BACE2: variants seen among roughly 807,000 people sequenced by gnomAD.
BACE2 encodes the protein 56 kDa aspartic-like protease.
In BACE2, 17 loss-of-function variants were observed where a neutral mutation model predicts 46.2. The observed-to-expected ratio is 0.37, with a 90% CI of 0.25 to 0.55. The LOEUF is 0.55. Ranked by LOEUF, BACE2 falls within the 20% of genes least tolerant of loss-of-function variation. BACE2 has a pLI of 0.82. For missense variants in BACE2, 595 were observed against 698.1 expected, an observed-to-expected ratio of 0.85 and a Z score of 1.66; for synonymous variants, 277 against 295.9, an observed-to-expected ratio of 0.94 and a Z score of 0.66.
At chr21:41,244,651 G>A (rs1987408922) in intron 5 of BACE2, among the ~76,000 whole-genome samples, 1 of 152,032 alleles carries the variant, frequency 6.6e-6, no homozygotes, top group African/African-American at 2.4e-5. Context: ...CAGGCCATCT[G>A]GACGTATAGG....
At chr21:41,231,615 T>G (rs1986968379) in intron 2 of BACE2, among the ~76,000 whole-genome samples, 1 of 152,192 alleles carries the variant, frequency 6.6e-6, no homozygotes, top group Non-Finnish European at 1.5e-5. Flanking sequence ...TGATTTCACT[T>G]TTTAATCCTG....
At chr21:41,180,750 A>C in intron 1 of BACE2, 1 of 167,278 alleles carries the variant, frequency 6.0e-6, no homozygotes, top group East Asian at 1.9e-4. Context: ...GTAACTAGGT[A>C]GCTTGCTCAT....
In BACE2 at chr21:41,279,400, A is replaced by T. The variant is rs2088522584; in HGVS notation, c.*3776A>T. 1 of 152,196 alleles carries T rather than the reference A, an allele frequency of 6.6e-6. No individual in the cohort carries two copies. The highest frequency in any genetic ancestry group is 2.4e-5 in the African/African-American group (1 of 41,446). 9.4% of individuals were successfully genotyped at this position (152,196 alleles called of 1,614,324 possible). ...CACCTGAGGTCAGGAGTTTGAGACC[A>T]GCCTGGACAACATGGTGAAACCCCG... On this transcript the variant is annotated 3_prime_UTR_variant, in exon 9 of 9. Coordinates refer to ENST00000330333, the MANE Select transcript of BACE2 (RefSeq NM_012105.5).
chr21:41,255,512 A>G (rs1053947704), intron 7 of BACE2, among the ~76,000 whole-genome samples: 1 of 152,198 alleles, frequency 6.6e-6, no homozygotes, highest in Admixed American at 6.5e-5. Flanking sequence ...CACACGGACG[A>G]AGTGATTAGT....
At chr21:41,216,076 G>A (rs767042399) in intron 1 of BACE2, among the ~76,000 whole-genome samples, 7 of 152,140 alleles carry the variant, frequency 4.6e-5, no homozygotes, top group Non-Finnish European at 7.3e-5. Context: ...GTTTGAGAGC[G>A]CGTCGTGTGA....
intron 8 of BACE2, among the ~76,000 whole-genome samples, chr21:41,268,544 A>C (rs1251715167): frequency 6.6e-6 from 1 of 152,196 alleles, no homozygotes; most frequent in Non-Finnish European, 1.5e-5. Context: ...ATAATGCTTT[A>C]TGTCTGACCA....
At chr21:41,181,987 T>A (rs1214908191) in intron 1 of BACE2, 1 of 167,092 alleles carries the variant, frequency 6.0e-6, no homozygotes, top group Non-Finnish European at 1.5e-5. Context: ...AACAGTGGCA[T>A]CATGGTATCT....
intron 2 of BACE2, among the ~76,000 whole-genome samples, chr21:41,233,897 G>A (rs1258482114): frequency 2.0e-5 from 3 of 152,222 alleles, no homozygotes; most frequent in Non-Finnish European, 4.4e-5. Context: ...GGAGGCGGAG[G>A]TTGCAGTGAG....
At chr21:41,179,901 G>A (rs970537678) in intron 1 of BACE2, 3 of 375,758 alleles carry the variant, frequency 8.0e-6, no homozygotes, top group Non-Finnish European at 1.6e-5. Context: ...GGACAGGCGA[G>A]CCCTAAGATT....
rs372302209 is a variant in BACE2 at position 41,208,126 on chromosome 21, G to A, written c.313-18140G>A. On this transcript the variant is annotated intron_variant, in intron 1 of 8. Coordinates refer to ENST00000330333, the MANE Select transcript of BACE2 (RefSeq NM_012105.5). ...GGAACAGAGCCTTAGGATGTTAAGT[G>A]GAACAAACCAAGTCACGACCCACAT... Among the ~76,000 whole-genome samples, 110 of 152,314 alleles carry A rather than the reference G, an allele frequency of 7.2e-4. 3 individuals carry two copies. The South Asian group carries it at 0.017, about 24-fold the overall frequency.
chr21:41,192,622 C>G (rs1483193107), intron 1 of BACE2, among the ~76,000 whole-genome samples: 1 of 152,220 alleles, frequency 6.6e-6, no homozygotes, highest in Non-Finnish European at 1.5e-5. Context: ...CCTATGGAGG[C>G]CTGCCAACAG....
At chr21:41,248,962 T>C (rs73902979) in intron 6 of BACE2, among the ~76,000 whole-genome samples, 2,604 of 152,318 alleles carry the variant, frequency 0.017, 63 homozygotes, top group African/African-American at 0.056. Context: ...GTGGAGCCTC[T>C]TCTTCTGGCC....
intron 7 of BACE2, among the ~76,000 whole-genome samples, chr21:41,256,882 C>T (rs1251053980): frequency 1.3e-5 from 2 of 152,150 alleles, no homozygotes; most frequent in Non-Finnish European, 2.9e-5. Flanking sequence ...TTTTCATCAG[C>T]AAACAGTTGG....
intron 7 of BACE2, among the ~76,000 whole-genome samples, 167 bp downstream of exon 7, chr21:41,251,068 G>A (rs536026749): frequency 6.6e-6 from 1 of 152,214 alleles, no homozygotes; most frequent in Non-Finnish European, 1.5e-5. Context: ...GCAGGGCGGT[G>A]TCCCTTGGCC....
intron 1 of BACE2, among the ~76,000 whole-genome samples, chr21:41,206,449 A>G (rs1475915087): frequency 6.6e-6 from 1 of 152,252 alleles, no homozygotes; most frequent in Non-Finnish European, 1.5e-5. Context: ...ATGGAATATT[A>G]TTCAGCCTTA....
At chr21:41,215,210 C>T (rs779966588) in intron 1 of BACE2, among the ~76,000 whole-genome samples, 5 of 152,084 alleles carry the variant, frequency 3.3e-5, no homozygotes, top group Non-Finnish European at 7.4e-5. Context: ...GATGCTTGAC[C>T]GCAAAGGGGG....
At chr21:41,244,317 A>G (rs1987392555) in intron 5 of BACE2, among the ~76,000 whole-genome samples, 1 of 152,144 alleles carries the variant, frequency 6.6e-6, no homozygotes, top group Admixed American at 6.5e-5. Context: ...TTGAGCAACA[A>G]GGTTTTTATT....
At chr21:41,187,121 G>A (rs55739946) in intron 1 of BACE2, among the ~76,000 whole-genome samples, 4,557 of 152,286 alleles carry the variant, frequency 0.03, 197 homozygotes, top group African/African-American at 0.1. Flanking sequence ...CATGGAGGAG[G>A]TTATAAATGT....
chr21:41,235,037 A>G (rs1987075975), intron 2 of BACE2, among the ~76,000 whole-genome samples: 1 of 152,220 alleles, frequency 6.6e-6, no homozygotes, highest in African/African-American at 2.4e-5. Context: ...TGAAGTTAGA[A>G]TCAGCTGTTT....
Sources: gnomAD v4.1 joint callset for allele counts (sites outside exome capture counted in the v4.1 genomes callset) on GRCh38, gnomAD v4.1.1 for gene constraint, MANE v1.5 for transcripts, NCBI Gene and HGNC (gene_info 2026-07-23, HGNC 2026-07-21) for gene names.